The following NPR3 variants were observed in gnomAD, a reference collection of about 807,000 sequenced individuals.
NPR3 encodes atrial natriuretic peptide receptor 3.
Under a neutral mutation model 54.5 loss-of-function variants are expected in NPR3, and 34 were observed. That is an observed-to-expected ratio of 0.62 (90% CI 0.47 to 0.83). NPR3 has a LOEUF of 0.83. Ranked by LOEUF, NPR3 falls within the 40% of genes least tolerant of loss-of-function variation. The pLI is 0.00. For missense variants in NPR3, 674 were observed against 720.8 expected (o/e 0.94, Z 0.74); for synonymous variants, 289 against 297.1 (o/e 0.97, Z 0.28).
At chr5:32,706,678 G>C (rs1290995634), upstream of NPR3, among the ~76,000 whole-genome samples, 1 of 152,222 alleles carries the variant, frequency 6.6e-6, no homozygotes, top group Non-Finnish European at 1.5e-5. Flanking sequence ...TTTTGTGAGA[G>C]TTTTGATGGG....
intron 1 of NPR3, among the ~76,000 whole-genome samples, chr5:32,717,315 G>A (rs936048405): frequency 1.3e-5 from 2 of 152,068 alleles, no homozygotes; most frequent in Non-Finnish European, 2.9e-5. Flanking sequence ...ATAAATATAC[G>A]TGTGCATGTG....
At chr5:32,734,854 C>G (rs1208505124) in intron 2 of NPR3, among the ~76,000 whole-genome samples, 1 of 152,184 alleles carries the variant, frequency 6.6e-6, no homozygotes, top group African/African-American at 2.4e-5. Context: ...CAGCACCGCT[C>G]TAGAGCATTC....
chr5:32,720,918 A>C (rs1197186720), intron 1 of NPR3, among the ~76,000 whole-genome samples: 1 of 152,248 alleles, frequency 6.6e-6, no homozygotes, highest in East Asian at 1.9e-4. Context: ...ATTATGATAA[A>C]TATGTAATTT....
In NPR3 at chr5:32,703,445, T is replaced by G. The variant is rs150983826; in HGVS notation, c.100+14259T>G. Among the ~76,000 whole-genome samples, 247 of 151,964 alleles carry G rather than the reference T, an allele frequency of 1.6e-3. 3 individuals are homozygous for G. Among genetic ancestry groups the G allele is most frequent in the African/African-American group, 5.9e-3 (244 of 41,410 alleles). ...AGTCTCTCCCAGTAGTCACCATGGC[T>G]GGGAATGTGCTGGGCCACACCTAAA... On this transcript the variant is annotated intron_variant, in intron 1 of 5. Coordinates refer to the NPR3 transcript ENST00000509104.
In NPR3 at chr5:32,786,945, T is replaced by C. The variant is rs1742671526; in HGVS notation, c.*600T>C. The C allele has an allele frequency of 6.6e-6, 1 of 152,648 alleles. No individual in the cohort carries two copies. The highest frequency in any genetic ancestry group is 1.5e-5 in the Non-Finnish European group (1 of 68,102). 9.5% of individuals were successfully genotyped at this position (152,648 alleles called of 1,614,324 possible). A position where few individuals can be genotyped will look rare whatever the true frequency, so the allele number is the denominator to read the frequency against. ...GTCTTTTTCAGTGTCTCATAAACGC[T>C]ACTCTGGATTGTTGTAAATATTAGT... On this transcript the variant is annotated 3_prime_UTR_variant, in exon 8 of 8. Coordinates refer to ENST00000265074, the MANE Select transcript of NPR3 (RefSeq NM_001204375.2).
chr5:32,783,902 C>T (rs914404958), intron 6 of NPR3, among the ~76,000 whole-genome samples: 5 of 152,166 alleles, frequency 3.3e-5, no homozygotes, highest in Non-Finnish European at 5.9e-5. Context: ...CACAAGATAA[C>T]ACATTGAAGG....
intron 1 of NPR3, among the ~76,000 whole-genome samples, chr5:32,702,827 G>A (rs1486835009): frequency 6.6e-6 from 1 of 152,072 alleles, no homozygotes; most frequent in Non-Finnish European, 1.5e-5. Flanking sequence ...GATCCCTGAG[G>A]AATCGCCACA....
intron 3 of NPR3, among the ~76,000 whole-genome samples, chr5:32,750,125 T>TC (rs1740500426): frequency 1.3e-5 from 2 of 152,268 alleles, no homozygotes; most frequent in Admixed American, 1.3e-4. Flanking sequence ...GTCAGTTACC[T>TC]TTTCCGAACT....
rs897426975 is a variant in NPR3 at position 32,755,939 on chromosome 5, T to C, written c.1059+16909T>C. 4.6e-5 allele frequency among the ~76,000 whole-genome samples: 7 copies of C among 152,224 alleles called. 1 individual carries two copies. The highest frequency in any genetic ancestry group is 3.3e-4 in the Admixed American group (5 of 15,280). On this transcript the variant is annotated intron_variant, in intron 3 of 7. Coordinates refer to ENST00000265074, the MANE Select transcript of NPR3 (RefSeq NM_001204375.2). Reference sequence around the variant, plus strand: ...CCCTACAAAGGACATGAACTCATCATTTTTTATGGCTGCATAGTATTCCAT... The same window carrying C: ...CCCTACAAAGGACATGAACTCATCACTTTTTATGGCTGCATAGTATTCCAT...
At chr5:32,705,786 C>A (rs1046109693), upstream of NPR3, among the ~76,000 whole-genome samples, 5 of 152,114 alleles carry the variant, frequency 3.3e-5, no homozygotes, top group African/African-American at 1.2e-4. Context: ...CGATTAACAG[C>A]AGAAACAATA....
chr5:32,756,909 G>A (rs1227560605), intron 3 of NPR3, among the ~76,000 whole-genome samples: 3 of 152,150 alleles, frequency 2.0e-5, no homozygotes, highest in Non-Finnish European at 4.4e-5. Flanking sequence ...AGATCAGATG[G>A]CTGTAGATAT....
intron 5 of NPR3, 119 bp from the exon 6 acceptor site, chr5:32,782,774 G>A: frequency 1.0e-6 from 1 of 966,892 alleles, no homozygotes. Context: ...TTGATGAAAT[G>A]CCCAGAGGCA....
intron 4 of NPR3, among the ~76,000 whole-genome samples, chr5:32,776,768 A>C (rs1428991798): frequency 6.6e-6 from 1 of 152,184 alleles, no homozygotes; most frequent in Non-Finnish European, 1.5e-5. Flanking sequence ...TTGAGCTTAC[A>C]TGCCAGTGGG....
chr5:32,728,050 T>C (rs1344611985), intron 2 of NPR3, among the ~76,000 whole-genome samples: 2 of 152,262 alleles, frequency 1.3e-5, no homozygotes, highest in Non-Finnish European at 2.9e-5. Flanking sequence ...TGGGCCACCA[T>C]GGCATTCTTG....
chr5:32,734,354 T>C (rs1579626112), intron 2 of NPR3, among the ~76,000 whole-genome samples: 1 of 152,186 alleles, frequency 6.6e-6, no homozygotes, highest in African/African-American at 2.4e-5. Flanking sequence ...TGATATATAT[T>C]GAAAATTTAC....
In NPR3 at chr5:32,736,230, C is replaced by CAAAAAAAAAAA. The variant is rs56211529; in HGVS notation, c.893-2626_893-2616dup. Among the ~76,000 whole-genome samples, 61 of 65,160 alleles carry CAAAAAAAAAAA rather than the reference C, an allele frequency of 9.4e-4. 1 individual carries two copies. Among genetic ancestry groups the CAAAAAAAAAAA allele is most frequent in the East Asian group, 2.0e-3 (3 of 1,490 alleles). The allele number at this position is 65,160 out of a possible 152,430, so 42.7% of individuals were successfully genotyped here. ...TGGGTGACAGAGAGACACTCTGTCT[C>CAAAAAAAAAAA]AAAAAAAAAAAAAAAAAAGAAAAAA... On this transcript the variant is annotated intron_variant, in intron 2 of 7. Coordinates refer to ENST00000265074, the MANE Select transcript of NPR3 (RefSeq NM_001204375.2).
chr5:32,713,668 A>G (rs1738388601), intron 1 of NPR3, among the ~76,000 whole-genome samples: 1 of 152,228 alleles, frequency 6.6e-6, no homozygotes, highest in African/African-American at 2.4e-5. Context: ...GGGCTAGTCC[A>G]CAACTTGGCA....
chr5:32,782,996 T>C lies in NPR3; in HGVS notation c.1394T>C (p.Val465Ala). Residue 465 changes from valine (V) to alanine (A), a missense_variant, in exon 6 of 8, where the codon GTA becomes GCA. By Grantham distance (64) the Val-to-Ala change is moderately conservative. Coordinates refer to ENST00000265074, the MANE Select transcript of NPR3 (RefSeq NM_001204375.2). The part of the protein sequence containing the change: ...LKLRIDENRI[V>A]EHTNSSPCKS... Reference sequence around the variant, plus strand: ...CTGAGAATAGATGAAAACCGAATTGTAGAGCATACAAACAGCTCTCCCTGC... The same window carrying C: ...CTGAGAATAGATGAAAACCGAATTGCAGAGCATACAAACAGCTCTCCCTGC... The C allele has an allele frequency of 6.2e-7, 1 of 1,605,494 alleles. No individual in the cohort carries two copies. The highest frequency in any genetic ancestry group is 2.2e-5 in the East Asian group (1 of 44,706).
upstream of NPR3, chr5:32,710,826 A>G: frequency 6.9e-7 from 1 of 1,456,696 alleles, no homozygotes; most frequent in Non-Finnish European, 9.1e-7. Flanking sequence ...CCGAAACCAC[A>G]ATTTCTAGAA....
Sources: gnomAD v4.1 joint callset for allele counts (sites outside exome capture counted in the v4.1 genomes callset) on GRCh38, gnomAD v4.1.1 for gene constraint, MANE v1.5 for transcripts, NCBI Gene and HGNC (gene_info 2026-07-23, HGNC 2026-07-21) for gene names.